The following ARHGAP6 variants were observed in gnomAD, a reference collection of about 807,000 sequenced individuals.
The protein encoded by ARHGAP6 is Rho GTPase activating protein 6.
ARHGAP6 carries 16 observed loss-of-function variants against 55.7 expected under a neutral mutation model. That is an observed-to-expected ratio of 0.29 (90% CI 0.19 to 0.44). The LOEUF is 0.44. Among genes scored for constraint, ARHGAP6 ranks in the 20% least tolerant of loss-of-function variants. The pLI is 1.00. For missense variants in ARHGAP6, 698 were observed against 808.9 expected, an observed-to-expected ratio of 0.86 and a Z score of 1.66; for synonymous variants, 382 against 360.9, an observed-to-expected ratio of 1.06 and a Z score of -0.66.
intron 1 of ARHGAP6, among the ~76,000 whole-genome samples, chrX:11,411,183 T>A (rs546097207): frequency 8.1e-3 from 255 of 31,433 alleles, no homozygotes; most frequent in East Asian, 0.034. Context: ...CAGACATTAT[T>A]TATATATATA....
chrX:11,605,961 T>C (rs1044337952), intron 1 of ARHGAP6, among the ~76,000 whole-genome samples: 6 of 109,163 alleles, frequency 5.5e-5, no homozygotes, highest in African/African-American at 1.3e-4. Flanking sequence ...AGAAAGTAAG[T>C]TGTGGGGCAT....
intron 1 of ARHGAP6, among the ~76,000 whole-genome samples, chrX:11,359,751 A>G (rs1183015850): frequency 1.8e-5 from 2 of 110,818 alleles, no homozygotes; most frequent in Admixed American, 9.6e-5. Context: ...AAATTGATAG[A>G]CCGCTAGCAA....
intron 1 of ARHGAP6, among the ~76,000 whole-genome samples, chrX:11,584,342 T>A (rs2051700745): frequency 8.9e-6 from 1 of 112,422 alleles, no homozygotes; most frequent in Non-Finnish European, 1.9e-5. Flanking sequence ...CTGTGATCAG[T>A]AATTATCATC....
At chrX:11,660,547 A>ACCC (rs2052688748) in intron 1 of ARHGAP6, among the ~76,000 whole-genome samples, 1 of 52,397 alleles carries the variant, frequency 1.9e-5, no homozygotes, top group Non-Finnish European at 4.1e-5. Flanking sequence ...AAAAAAAAAA[A>ACCC]AAAAAAAAAA....
At chrX:11,574,736 C>A (rs1308033633) in intron 1 of ARHGAP6, among the ~76,000 whole-genome samples, 1 of 107,395 alleles carries the variant, frequency 9.3e-6, no homozygotes, top group Non-Finnish European at 1.9e-5. Flanking sequence ...GGCAATTAGG[C>A]AGGAGAAGGA....
chrX:11,412,829 C>A (rs1229488528), intron 1 of ARHGAP6, among the ~76,000 whole-genome samples: 1 of 112,491 alleles, frequency 8.9e-6, no homozygotes, highest in Non-Finnish European at 1.9e-5. Context: ...AACCCTTGGT[C>A]AATGTGACAA....
intron 1 of ARHGAP6, among the ~76,000 whole-genome samples, chrX:11,487,771 C>T (rs1279206272): frequency 9.0e-6 from 1 of 111,295 alleles, no homozygotes; most frequent in Non-Finnish European, 1.9e-5. Context: ...TCCATGAGTC[C>T]ATGGTGATAT....
chrX:11,210,268 T>C (rs1332334020), intron 2 of ARHGAP6, among the ~76,000 whole-genome samples: 1 of 112,763 alleles, frequency 8.9e-6, no homozygotes. Context: ...CTGGAGTCCT[T>C]GCATCACTGT....
intron 1 of ARHGAP6, among the ~76,000 whole-genome samples, chrX:11,543,079 G>C (rs1346043206): frequency 8.9e-6 from 1 of 112,018 alleles, no homozygotes; most frequent in Non-Finnish European, 1.9e-5. Flanking sequence ...AATGAGAGAT[G>C]AAGCAATGAT....
chrX:11,157,800 C>T (rs1411631232), intron 9 of ARHGAP6, among the ~76,000 whole-genome samples: 1 of 112,163 alleles, frequency 8.9e-6, no homozygotes, highest in Admixed American at 9.4e-5. Flanking sequence ...TTAATAAAAA[C>T]AGGGATGAGA....
At chrX:11,437,396 T>C (rs1455487885) in intron 1 of ARHGAP6, among the ~76,000 whole-genome samples, 1 of 112,783 alleles carries the variant, frequency 8.9e-6, no homozygotes, top group Non-Finnish European at 1.9e-5. Flanking sequence ...ATTGCTGACT[T>C]AAGGTAAAGC....
chrX:11,331,649 C>A (rs1333257786), intron 1 of ARHGAP6, among the ~76,000 whole-genome samples: 2 of 111,792 alleles, frequency 1.8e-5, no homozygotes, highest in African/African-American at 6.5e-5. Flanking sequence ...TAAACACAAG[C>A]CCCTGTAAGC....
intron 1 of ARHGAP6, among the ~76,000 whole-genome samples, chrX:11,501,957 T>C (rs2050684364): frequency 9.1e-6 from 1 of 110,459 alleles, no homozygotes; most frequent in Non-Finnish European, 1.9e-5. Flanking sequence ...AGATCAACTG[T>C]GTGTGTGTGT....
intron 1 of ARHGAP6, among the ~76,000 whole-genome samples, chrX:11,358,628 C>T (rs141446173): frequency 0.019 from 2,056 of 110,009 alleles, 40 homozygotes; most frequent in African/African-American, 0.063. Context: ...TACAGGCATA[C>T]GCCACCACAC....
At chrX:11,279,135 C>A (rs1037802845) in intron 1 of ARHGAP6, among the ~76,000 whole-genome samples, 1 of 111,855 alleles carries the variant, frequency 8.9e-6, no homozygotes, top group African/African-American at 3.2e-5. Flanking sequence ...CCTAGCTTAA[C>A]ATGATGACTT....
chrX:11,506,430 C>T (rs1168289343), intron 1 of ARHGAP6, among the ~76,000 whole-genome samples: 2 of 109,611 alleles, frequency 1.8e-5, no homozygotes, highest in Non-Finnish European at 3.8e-5. Flanking sequence ...GTGATGTTCC[C>T]CTCCCTTTGT....
intron 1 of ARHGAP6, among the ~76,000 whole-genome samples, chrX:11,264,634 T>A (rs1602983554): frequency 8.9e-6 from 1 of 111,972 alleles, no homozygotes; most frequent in African/African-American, 3.2e-5. Flanking sequence ...ATCTCAGGGT[T>A]GCAAAAACTG....
At chrX:11,301,914 T>C (rs1303041297) in intron 1 of ARHGAP6, among the ~76,000 whole-genome samples, 1 of 112,199 alleles carries the variant, frequency 8.9e-6, no homozygotes, top group African/African-American at 3.2e-5. Flanking sequence ...GTCCAACAGC[T>C]TTCCTCACCA....
At chrX:11,383,584 T>A (rs2049288414) in intron 1 of ARHGAP6, among the ~76,000 whole-genome samples, 1 of 111,414 alleles carries the variant, frequency 9.0e-6, no homozygotes, top group East Asian at 2.8e-4. Flanking sequence ...TCTGACTCAA[T>A]TTCTGCCCCA....
Sources: allele counts gnomAD v4.1 joint callset (sites outside exome capture counted in the v4.1 genomes callset), GRCh38; gene constraint gnomAD v4.1.1; transcripts MANE v1.5; gene names NCBI Gene and HGNC (gene_info 2026-07-23, HGNC 2026-07-21).